Variants in ROBO1 observed in about 807,000 individuals in gnomAD.
ROBO1 encodes roundabout guidance receptor 1.
A neutral mutation model predicts 195.9 loss-of-function variants in ROBO1; 149 were observed. That is an observed-to-expected ratio of 0.76 (90% CI 0.67 to 0.87). The LOEUF (loss-of-function observed/expected upper bound fraction) is 0.87, where lower values mean the gene tolerates loss of function less well. Among genes scored for constraint, ROBO1 ranks in the 40% least tolerant of loss-of-function variants. The pLI is 0.00. For missense variants in ROBO1, 1,933 were observed against 2,068.3 expected (o/e 0.93, Z 1.27); for synonymous variants, 816 against 733.2 (o/e 1.11, Z -1.82).
intron 8 of ROBO1, among the ~76,000 whole-genome samples, chr3:78,710,933 G>C (rs1005173279): frequency 6.6e-6 from 1 of 152,124 alleles, no homozygotes; most frequent in Admixed American, 6.6e-5. Flanking sequence ...TTTTCTACAG[G>C]CCATGCCTGA....
intron 1 of ROBO1, among the ~76,000 whole-genome samples, chr3:79,677,316 A>G (rs1195169106): frequency 6.6e-6 from 1 of 151,984 alleles, no homozygotes; most frequent in Non-Finnish European, 1.5e-5. Context: ...GCTGCTGATA[A>G]AGAGATAGCT....
At chr3:79,050,481 C>T (rs1310139459) in intron 3 of ROBO1, among the ~76,000 whole-genome samples, 1 of 152,112 alleles carries the variant, frequency 6.6e-6, no homozygotes, top group African/African-American at 2.4e-5. Flanking sequence ...CAATATTAGA[C>T]AGATCAATGA....
In ROBO1 at chr3:78,717,277, G is replaced by T. The variant is rs1366916355; in HGVS notation, c.915C>A (p.Ser305=). Residue 305 remains serine (S), a splice_region_variant and synonymous_variant, in exon 7 of 31, where the codon TCC becomes TCA. Transcript: ENST00000464233. ...WRKDDGELPK[S]RYEIRDDHTL... is the part of the protein sequence containing the mutation. ...TATCATGAAACTCTGATGTGTACCT[G>T]GATTTGGGCAGCTCTCCATCATCTT... 7.7e-6 allele frequency: 12 copies of T among 1,566,768 alleles called. No homozygotes were observed. In the East Asian group the frequency reaches 2.7e-4, roughly 35 times the overall value.
At position 78,661,081 on chromosome 3, in the gene ROBO1, C is replaced by T; in HGVS notation, c.2269G>A (p.Glu757Lys). The change falls in exon 16 of 31, where the codon GAA (glutamate) becomes AAA (lysine). Residue 757 changes from glutamate (E) to lysine (K), a missense_variant. Coordinates refer to ENST00000464233, the MANE Select transcript of ROBO1 (RefSeq NM_002941.4). The stretch of plus-strand genomic sequence containing the variant: ...ATTTCACTATCTGCTCCTTGAAATT[C>T]ATTAAAAAAAGGGCGAGCCTTAATT... ...YEIKARPFFNEFQGADSEIKF... is the reference protein window; with the variant it reads ...YEIKARPFFNKFQGADSEIKF... The T allele has an allele frequency of 1.9e-6, 3 of 1,613,322 alleles. No homozygotes were observed. Among genetic ancestry groups the T allele is most frequent in the Non-Finnish European group, 2.5e-6 (3 of 1,179,606 alleles).
intron 2 of ROBO1, among the ~76,000 whole-genome samples, chr3:79,207,608 G>A (rs943465723): frequency 1.3e-5 from 2 of 152,028 alleles, no homozygotes; most frequent in Non-Finnish European, 2.9e-5. Flanking sequence ...GGTGTTAGGT[G>A]GATGAAAAGC....
At chr3:79,464,750 A>C (rs1284470903) in intron 2 of ROBO1, among the ~76,000 whole-genome samples, 1 of 152,116 alleles carries the variant, frequency 6.6e-6, no homozygotes, top group Non-Finnish European at 1.5e-5. Context: ...ATGAACTTAA[A>C]TTCATCTATT....
chr3:79,702,913 A>G (rs1335486266), intron 1 of ROBO1, among the ~76,000 whole-genome samples: 3 of 151,934 alleles, frequency 2.0e-5, no homozygotes, highest in Non-Finnish European at 4.4e-5. Flanking sequence ...TCTGGCCACA[A>G]CTTTCCCAGT....
At chr3:78,845,905 A>G (rs1023511524) in intron 4 of ROBO1, among the ~76,000 whole-genome samples, 2 of 152,176 alleles carry the variant, frequency 1.3e-5, no homozygotes, top group Admixed American at 6.6e-5. Context: ...CTTCAGACTA[A>G]TAAATTATTC....
chr3:79,573,503 A>G, intron 2 of ROBO1, among the ~76,000 whole-genome samples: 1 of 152,212 alleles, frequency 6.6e-6, no homozygotes, highest in East Asian at 1.9e-4. Flanking sequence ...CATTTATTAC[A>G]GTTTGCTTAC....
At chr3:78,680,776 G>A (rs1461575697) in intron 10 of ROBO1, among the ~76,000 whole-genome samples, 6 of 146,714 alleles carry the variant, frequency 4.1e-5, no homozygotes, top group South Asian at 2.2e-4. Flanking sequence ...TCAGTGTGGC[G>A]ATTCCTCAGG....
At chr3:79,570,473 G>C (rs1350024679) in intron 2 of ROBO1, among the ~76,000 whole-genome samples, 1 of 152,092 alleles carries the variant, frequency 6.6e-6, no homozygotes, top group Non-Finnish European at 1.5e-5. Context: ...TGAAATGACT[G>C]ACAAGTGAAG....
chr3:79,605,997 T>TAC (rs1297916159), intron 1 of ROBO1, among the ~76,000 whole-genome samples: 2 of 149,646 alleles, frequency 1.3e-5, no homozygotes, highest in African/African-American at 5.0e-5. Context: ...TGTGTGTATA[T>TAC]ATATATATAT....
At chr3:78,682,080 CTTCT>C (rs749592870) in intron 10 of ROBO1, among the ~76,000 whole-genome samples, 2 of 152,046 alleles carry the variant, frequency 1.3e-5, no homozygotes, top group Non-Finnish European at 2.9e-5. Context: ...TCCTCCAGAA[CTTCT>C]TGAAATTCAA....
intron 10 of ROBO1, among the ~76,000 whole-genome samples, chr3:78,673,605 TACACAC>T (rs1553699011): frequency 1.0e-3 from 54 of 53,124 alleles, no homozygotes; most frequent in South Asian, 2.2e-3. Context: ...TATATATATA[TACACAC>T]ATATATTACA....
intron 4 of ROBO1, among the ~76,000 whole-genome samples, chr3:78,936,784 G>C (rs2039835253): frequency 6.6e-6 from 1 of 152,068 alleles, no homozygotes; most frequent in East Asian, 1.9e-4. Flanking sequence ...CCTGAGGGAG[G>C]ACTATACATT....
At chr3:78,783,156 T>C (rs2083730387) in intron 4 of ROBO1, among the ~76,000 whole-genome samples, 1 of 152,196 alleles carries the variant, frequency 6.6e-6, no homozygotes, top group Non-Finnish European at 1.5e-5. Flanking sequence ...TTGCAAGTGG[T>C]GAAGTCTGGG....
chr3:78,794,264 A>G lies in ROBO1; in HGVS notation c.500-47364T>C, dbSNP rs1289217124. Among the ~76,000 whole-genome samples the G allele has an allele frequency of 2.6e-5, 4 of 152,206 alleles. No individual in the cohort carries two copies. In the East Asian group the frequency reaches 7.7e-4, roughly 29 times the overall value. On this transcript the variant is annotated intron_variant, in intron 4 of 30. Coordinates refer to ENST00000464233, the MANE Select transcript of ROBO1 (RefSeq NM_002941.4). ...TCCCTATCAATATAATGGACACAAT[A>G]ATCATAATGCTTACTTCATTGGATT...
intron 10 of ROBO1, among the ~76,000 whole-genome samples, chr3:78,676,224 G>A (rs1575905892): frequency 6.6e-6 from 1 of 152,090 alleles, no homozygotes. Flanking sequence ...GAAAGATGGG[G>A]AAAAAACAGA....
At chr3:78,725,185 G>A (rs1412659396) in intron 5 of ROBO1, among the ~76,000 whole-genome samples, 2 of 152,064 alleles carry the variant, frequency 1.3e-5, no homozygotes, top group African/African-American at 4.8e-5. Flanking sequence ...TTCCATAAGC[G>A]CTAGACAGTG....
Sources: allele counts gnomAD v4.1 joint callset (sites outside exome capture counted in the v4.1 genomes callset), GRCh38; gene constraint gnomAD v4.1.1; transcripts MANE v1.5; gene names NCBI Gene and HGNC (gene_info 2026-07-23, HGNC 2026-07-21).